Variants in ACSL4 observed in about 807,000 individuals in gnomAD.
ACSL4 encodes long-chain-fatty-acid--CoA ligase 4.
Under a neutral mutation model 49.1 loss-of-function variants are expected in ACSL4, and 9 were observed. That is an observed-to-expected ratio of 0.18 (90% confidence interval 0.11 to 0.32). The LOEUF (loss-of-function observed/expected upper bound fraction) is 0.32. ACSL4 is among the 10% of genes least tolerant of loss of function. The pLI, the probability that ACSL4 is intolerant of heterozygous loss-of-function variation, is 1.00. For missense variants in ACSL4, 333 were observed against 493.7 expected (o/e 0.67, Z 3.08); for synonymous variants, 191 against 170.3 (o/e 1.12, Z -0.95).
intron 9 of ACSL4, 72 bp from the exon 10 acceptor site, chrX:109,669,245 G>C (rs1167307154): frequency 1.2e-6 from 1 of 830,190 alleles, no homozygotes; most frequent in Non-Finnish European, 1.8e-6. Context: ...TACCTTACTT[G>C]CAACATCTTG....
chrX:109,733,256 A>G lies in ACSL4; in HGVS notation c.-183T>C, dbSNP rs769082144. The stretch of plus-strand genomic sequence containing the variant: ...CGAGGAGGAGCGCGCGGCGGAGGCC[A>G]GAGAAAAAGCCGCAGCGGCGCGCGC... On this transcript the variant is annotated 5_prime_UTR_variant, in exon 1 of 16. Transcript: ENST00000672401. 4 of 303,430 alleles carry G rather than the reference A, an allele frequency of 1.3e-5. No homozygotes were observed. The highest frequency in any genetic ancestry group is 8.5e-5 in the South Asian group (3 of 35,419). 25.0% of individuals were successfully genotyped at this position (303,430 alleles called of 1,213,427 possible). A position where few individuals can be genotyped will look rare whatever the true frequency, so the allele number is the denominator to read the frequency against.
chrX:109,723,091 T>A (rs987004257), intron 1 of ACSL4, among the ~76,000 whole-genome samples: 3 of 111,617 alleles, frequency 2.7e-5, no homozygotes, highest in Middle Eastern at 4.7e-3. Flanking sequence ...ATCATTTTTT[T>A]AAAAACCTGA....
At chrX:109,707,184 T>G (rs1055926470) in intron 1 of ACSL4, among the ~76,000 whole-genome samples, 13 of 111,913 alleles carry the variant, frequency 1.2e-4, no homozygotes, top group African/African-American at 4.2e-4. Flanking sequence ...GAGTTACCAG[T>G]TCCTTGCAGT....
chrX:109,693,910 ATG>A (rs750910084), intron 2 of ACSL4, among the ~76,000 whole-genome samples: 22 of 110,910 alleles, frequency 2.0e-4, no homozygotes, highest in Non-Finnish European at 3.0e-4. Context: ...ATAAATATGT[ATG>A]TGTGTGTGTG....
chrX:109,680,666 G>A (rs1924091558), intron 6 of ACSL4, among the ~76,000 whole-genome samples: 1 of 112,536 alleles, frequency 8.9e-6, no homozygotes, highest in Non-Finnish European at 1.9e-5. Context: ...CTGAATGGAA[G>A]GCCTGAAATA....
chrX:109,727,836 G>A (rs1304133701), intron 1 of ACSL4, among the ~76,000 whole-genome samples: 1 of 111,301 alleles, frequency 9.0e-6, no homozygotes, highest in African/African-American at 3.3e-5. Flanking sequence ...TTGTGAATGC[G>A]GCCAGAAAAC....
intron 8 of ACSL4, 76 bp downstream of exon 8, chrX:109,677,912 C>T (rs956997143): frequency 8.5e-7 from 1 of 1,171,353 alleles, no homozygotes. Flanking sequence ...TAAAATATCT[C>T]GAGTCCTAGT....
At chrX:109,670,046 A>G (rs1189517161) in intron 9 of ACSL4, among the ~76,000 whole-genome samples, 1 of 112,181 alleles carries the variant, frequency 8.9e-6, no homozygotes, top group African/African-American at 3.2e-5. Context: ...AATACAAAAC[A>G]AAACAAAAAA....
intron 15 of ACSL4, among the ~76,000 whole-genome samples, chrX:109,645,151 C>A (rs1348885931): frequency 4.8e-4 from 54 of 112,928 alleles, no homozygotes; most frequent in Non-Finnish European, 7.3e-4. Context: ...TGGGAAGCTC[C>A]AACTGGGTGG....
chrX:109,719,212 A>T (rs1157611757), intron 1 of ACSL4, among the ~76,000 whole-genome samples: 1 of 112,129 alleles, frequency 8.9e-6, no homozygotes, highest in Non-Finnish European at 1.9e-5. Context: ...ATGCAATCAT[A>T]GGCCAATCAC....
At chrX:109,726,235 C>G (rs1220512111) in intron 1 of ACSL4, among the ~76,000 whole-genome samples, 1 of 112,010 alleles carries the variant, frequency 8.9e-6, no homozygotes, top group Non-Finnish European at 1.9e-5. Context: ...GCCTGGCCAA[C>G]ATGGCAAAAC....
intron 1 of ACSL4, among the ~76,000 whole-genome samples, chrX:109,716,214 G>A (rs1308658637): frequency 9.0e-6 from 1 of 111,709 alleles, no homozygotes; most frequent in Non-Finnish European, 1.9e-5. Flanking sequence ...AACTAGACAT[G>A]TAGGTAGAAT....
chrX:109,651,313 C>T (rs1379867330), intron 15 of ACSL4, among the ~76,000 whole-genome samples: 4 of 111,711 alleles, frequency 3.6e-5, no homozygotes, highest in Non-Finnish European at 5.7e-5. Flanking sequence ...ATAGCCTAGA[C>T]GAGTTTAGAA....
chrX:109,668,054 A>G (rs746094072), intron 11 of ACSL4, 47 bp downstream of exon 11: 4 of 994,148 alleles, frequency 4.0e-6, no homozygotes, highest in Non-Finnish European at 2.8e-6. Flanking sequence ...AATGTATTTT[A>G]TTAGTAGCAG....
In ACSL4 at chrX:109,644,070, G is replaced by T. The variant is rs898008437; in HGVS notation, c.1972C>A (p.His658Asn). Reference sequence around the variant, plus strand: ...ATTCGTTCAATGTCTTTGAGGTAATGGTTCCTCAGCTCCTTCCTTTTCAGT... The same window carrying T: ...ATTCGTTCAATGTCTTTGAGGTAATTGTTCCTCAGCTCCTTCCTTTTCAGT... ...FKLKRKELRN[H>N]YLKDIERMYG... Residue 658 changes from histidine to asparagine, a missense_variant, in exon 16 of 16, where the codon CAT becomes AAT. This residue lies in a region of ACSL4 where 175 missense variants were observed against 275.8 expected (regional missense o/e 0.63). Transcript: ENST00000672401. 8.3e-7 allele frequency: 1 copy of T among 1,209,138 alleles called. No homozygotes were observed. Among genetic ancestry groups the T allele is most frequent in the East Asian group, 3.0e-5 (1 of 33,771 alleles).
chrX:109,666,005 A>C (rs1208821949), intron 11 of ACSL4, among the ~76,000 whole-genome samples: 3 of 112,524 alleles, frequency 2.7e-5, no homozygotes, highest in Non-Finnish European at 3.8e-5. Context: ...CTGTTGTCAA[A>C]CATCATCATG....
chrX:109,665,350 T>G, intron 12 of ACSL4, 70 bp downstream of exon 12: 2 of 982,956 alleles, frequency 2.0e-6, no homozygotes, highest in South Asian at 1.9e-5. Flanking sequence ...TTTAAAGAAA[T>G]GAAAGTCATA....
At chrX:109,717,261 G>A (rs1019870794) in intron 1 of ACSL4, among the ~76,000 whole-genome samples, 22 of 110,443 alleles carry the variant, frequency 2.0e-4, no homozygotes, top group Admixed American at 5.8e-4. Context: ...TTGGGAGGCC[G>A]AGGCGGACGG....
At chrX:109,693,749 T>A (rs1925214604) in intron 2 of ACSL4, among the ~76,000 whole-genome samples, 1 of 111,886 alleles carries the variant, frequency 8.9e-6, no homozygotes, top group Admixed American at 9.5e-5. Context: ...AGGCAATTGA[T>A]GGGGGGCCTC....
Sources: gnomAD v4.1 joint callset for allele counts (sites outside exome capture counted in the v4.1 genomes callset) on GRCh38, gnomAD v4.1.1 for gene constraint, gnomAD v4.1.1 regional missense constraint, MANE v1.5 for transcripts, NCBI Gene and HGNC (gene_info 2026-07-23, HGNC 2026-07-21) for gene names.